Variants in KPNA5 observed in about 807,000 individuals in gnomAD.
The protein encoded by KPNA5 is importin subunit alpha-6.
In KPNA5, 46 loss-of-function variants were observed where a neutral mutation model predicts 71.3. The ratio of observed to expected loss-of-function variants is 0.65; its 90% confidence interval spans 0.51 to 0.83. The LOEUF (loss-of-function observed/expected upper bound fraction) is 0.83. Ranked by LOEUF, KPNA5 falls within the 40% of genes least tolerant of loss-of-function variation. The probability of loss-of-function intolerance (pLI) is 0.00; values close to 1 mark genes in which losing one functional copy is unlikely to be tolerated. For synonymous variants in KPNA5, 207 were observed against 201.4 expected (o/e 1.03, Z -0.24); for missense variants, 547 against 628.3 (o/e 0.87, Z 1.38).
chr6:116,721,490 A>G (rs1779104980), intron 8 of KPNA5, among the ~76,000 whole-genome samples: 1 of 152,056 alleles, frequency 6.6e-6, no homozygotes, highest in South Asian at 2.1e-4. Context: ...ACTAAGGGAT[A>G]TGTTAGGTTG....
intron 12 of KPNA5, among the ~76,000 whole-genome samples, chr6:116,726,954 G>A (rs1019494773): frequency 1.1e-4 from 16 of 151,888 alleles, no homozygotes; most frequent in African/African-American, 3.9e-4. Flanking sequence ...TATAGAAATG[G>A]CTAATAAATT....
At chr6:116,685,773 A>C (rs114795360) in intron 1 of KPNA5, among the ~76,000 whole-genome samples, 2,157 of 152,252 alleles carry the variant, frequency 0.014, 44 homozygotes, top group African/African-American at 0.05. Context: ...TTTATGGTAG[A>C]ATGATTTATA....
chr6:116,712,363 GTTA>G (rs2114453478), intron 7 of KPNA5, among the ~76,000 whole-genome samples: 2 of 152,276 alleles, frequency 1.3e-5, no homozygotes, highest in Non-Finnish European at 2.9e-5. Flanking sequence ...TCGGATCTCT[GTTA>G]TTATTTGCAT....
rs1043672572 is a variant in KPNA5 at position 116,734,017 on chromosome 6, T to C, written c.*1694T>C. ...TGCATCTGCCAGCCCTTTTTTATTATTAAGTAGAAGATTGTATCTGTGCCC... is the reference window on the plus strand; with the variant it reads ...TGCATCTGCCAGCCCTTTTTTATTACTAAGTAGAAGATTGTATCTGTGCCC... On this transcript the variant is annotated 3_prime_UTR_variant, in exon 14 of 14. Transcript: ENST00000368564. 2.0e-5 allele frequency: 3 copies of C among 151,708 alleles called. No individual in the cohort carries two copies. The highest frequency in any genetic ancestry group is 4.4e-5 in the Non-Finnish European group (3 of 67,702). 9.4% of individuals were successfully genotyped at this position (151,708 alleles called of 1,614,324 possible).
chr6:116,689,514 G>T, intron 2 of KPNA5, 61 bp downstream of exon 2: 1 of 1,304,080 alleles, frequency 7.7e-7, no homozygotes, highest in Non-Finnish European at 1.0e-6. Flanking sequence ...CTAATTATTG[G>T]ATAATTTTAA....
Position 116,735,157 on chromosome 6 carries a change from G to T in KPNA5, c.*2834G>T, listed in dbSNP as rs1272202712. 6.6e-6 allele frequency: 1 copy of T among 151,618 alleles called. No homozygotes were observed. The highest frequency in any genetic ancestry group is 2.4e-5 in the African/African-American group (1 of 41,404). 9.4% of individuals were successfully genotyped at this position (151,618 alleles called of 1,614,324 possible). ...CAACTTACTGGTAACACCAGAACAAGAAAGCAAAAAAGTAATAAATTCTGC... is the reference window on the plus strand; with the variant it reads ...CAACTTACTGGTAACACCAGAACAATAAAGCAAAAAAGTAATAAATTCTGC... On this transcript the variant is annotated 3_prime_UTR_variant, in exon 14 of 14. Coordinates refer to ENST00000368564, the MANE Select transcript of KPNA5 (RefSeq NM_001366306.2).
chr6:116,730,486 A>G (rs1427818012), intron 13 of KPNA5, among the ~76,000 whole-genome samples: 2 of 152,184 alleles, frequency 1.3e-5, no homozygotes, highest in Non-Finnish European at 2.9e-5. Flanking sequence ...CACTTTATGT[A>G]TACCAAAATA....
At chr6:116,687,270 G>T (rs1203075364) in intron 1 of KPNA5, among the ~76,000 whole-genome samples, 1 of 152,038 alleles carries the variant, frequency 6.6e-6, no homozygotes, top group Non-Finnish European at 1.5e-5. Flanking sequence ...ATATTTTGAG[G>T]TATTTTATAC....
intron 1 of KPNA5, among the ~76,000 whole-genome samples, chr6:116,687,375 AC>A (rs1359742088): frequency 1.3e-5 from 2 of 152,198 alleles, no homozygotes; most frequent in Non-Finnish European, 2.9e-5. Flanking sequence ...TGGAGAATTA[AC>A]TTTTTACCAG....
In KPNA5 at chr6:116,721,540, TAGTG is replaced by T. The variant is rs148450843; in HGVS notation, c.757-584_757-581del. On this transcript the variant is annotated intron_variant, in intron 8 of 13. Coordinates refer to ENST00000368564, the MANE Select transcript of KPNA5 (RefSeq NM_001366306.2). ...ACAGCTTTAAGGAACATAGCATCAA[TAGTG>T]ATCATGGGAATTTAAAAAAAGCCAA... 2.1e-3 allele frequency among the ~76,000 whole-genome samples: 323 copies of T among 152,266 alleles called. 1 individual carries two copies. Among genetic ancestry groups the T allele is most frequent in the African/African-American group, 7.6e-3 (316 of 41,576 alleles).
chr6:116,726,302 T>TA (rs1182293258), intron 11 of KPNA5, among the ~76,000 whole-genome samples, 193 bp from the exon 12 acceptor site: 1 of 152,066 alleles, frequency 6.6e-6, no homozygotes, highest in Non-Finnish European at 1.5e-5. Flanking sequence ...CTCCAGTCTT[T>TA]AAAAAGCTAA....
chr6:116,704,164 G>A (rs1030783221), intron 6 of KPNA5, among the ~76,000 whole-genome samples: 2 of 151,956 alleles, frequency 1.3e-5, no homozygotes, highest in Admixed American at 6.6e-5. Context: ...TCAGCCTCCT[G>A]AATAGCTGGG....
intron 2 of KPNA5, among the ~76,000 whole-genome samples, chr6:116,691,528 A>G (rs1210807525): frequency 6.6e-6 from 1 of 152,138 alleles, no homozygotes; most frequent in Non-Finnish European, 1.5e-5. Context: ...CCTTTAGTGA[A>G]CTCACCATGT....
intron 12 of KPNA5, among the ~76,000 whole-genome samples, chr6:116,729,206 T>C (rs2114502861): frequency 6.9e-6 from 1 of 144,000 alleles, no homozygotes; most frequent in African/African-American, 2.7e-5. Context: ...TGTGTCTGTG[T>C]GTAGGCTTGC....
At chr6:116,725,995 A>G in intron 11 of KPNA5, 119 bp downstream of exon 11, 1 of 1,121,310 alleles carries the variant, frequency 8.9e-7, no homozygotes, top group South Asian at 1.6e-5. Context: ...AAGTATTTTA[A>G]AGAACATGGG....
chr6:116,719,501 T>G (rs1030598906), intron 8 of KPNA5, among the ~76,000 whole-genome samples: 5 of 152,116 alleles, frequency 3.3e-5, no homozygotes, highest in African/African-American at 1.2e-4. Flanking sequence ...ATTCTTTTGC[T>G]GGAAGATGGG....
chr6:116,705,584 C>T (rs542353514), intron 7 of KPNA5, among the ~76,000 whole-genome samples: 1 of 151,864 alleles, frequency 6.6e-6, no homozygotes, highest in Admixed American at 6.6e-5. Flanking sequence ...AGTTTTACTT[C>T]AAGTGATTTA....
intron 7 of KPNA5, among the ~76,000 whole-genome samples, chr6:116,711,236 T>C (rs949316965): frequency 1.4e-5 from 2 of 145,186 alleles, no homozygotes; most frequent in African/African-American, 5.1e-5. Flanking sequence ...TCCATCTAGA[T>C]AAAGGCTTGT....
At chr6:116,720,256 G>C (rs530341985) in intron 8 of KPNA5, among the ~76,000 whole-genome samples, 1 of 152,276 alleles carries the variant, frequency 6.6e-6, no homozygotes, top group African/African-American at 2.4e-5. Context: ...CTTATTGGTA[G>C]TTCCCTCTCC....
Sources: gnomAD v4.1 joint callset for allele counts (sites outside exome capture counted in the v4.1 genomes callset) on GRCh38, gnomAD v4.1.1 for gene constraint, MANE v1.5 for transcripts, NCBI Gene and HGNC (gene_info 2026-07-23, HGNC 2026-07-21) for gene names.